DOCK3: variants seen among roughly 807,000 people sequenced by gnomAD.
The protein encoded by DOCK3 is dedicator of cytokinesis protein 3.
A neutral mutation model predicts 265.6 loss-of-function variants in DOCK3; 60 were observed. The observed-to-expected ratio is 0.23, with a 90% CI of 0.18 to 0.28. The LOEUF (loss-of-function observed/expected upper bound fraction) is 0.28. DOCK3 is among the 10% of genes least tolerant of loss of function. The pLI is 1.00. For missense variants in DOCK3, 1,981 were observed against 2,594.3 expected, an observed-to-expected ratio of 0.76 and a Z score of 5.14; for synonymous variants, 881 against 938.0, an observed-to-expected ratio of 0.94 and a Z score of 1.11.
At chr3:51,097,201 C>T (rs2082893076) in intron 9 of DOCK3, among the ~76,000 whole-genome samples, 1 of 152,186 alleles carries the variant, frequency 6.6e-6, no homozygotes, top group African/African-American at 2.4e-5. Context: ...TGAAGCTGTG[C>T]CCACAGCCAC....
intron 6 of DOCK3, among the ~76,000 whole-genome samples, chr3:51,067,460 C>T (rs372477636): frequency 0.012 from 342 of 28,856 alleles, 1 homozygote; most frequent in African/African-American, 0.02. Flanking sequence ...TGTGTGTGCG[C>T]GCGCGTTGGA....
intron 5 of DOCK3, among the ~76,000 whole-genome samples, chr3:51,024,037 CTG>C (rs2079707449): frequency 6.6e-6 from 1 of 151,984 alleles, no homozygotes; most frequent in African/African-American, 2.4e-5. Flanking sequence ...TTTTACTAGA[CTG>C]TGTTTTCTTA....
intron 1 of DOCK3, among the ~76,000 whole-genome samples, chr3:50,732,153 A>C (rs1479647687): frequency 6.6e-6 from 1 of 152,166 alleles, no homozygotes; most frequent in African/African-American, 2.4e-5. Context: ...AGAAAACCAA[A>C]CACCACATAT....
At chr3:51,312,715 G>T (rs749448573) in intron 30 of DOCK3, 129 bp from the exon 31 acceptor site, 17 of 1,247,080 alleles carry the variant, frequency 1.4e-5, no homozygotes, top group Non-Finnish European at 1.9e-5. Context: ...TCAGTCGAGA[G>T]CCCAAAGGCT....
intron 5 of DOCK3, among the ~76,000 whole-genome samples, chr3:51,017,632 A>G (rs2079406466): frequency 1.3e-5 from 2 of 151,740 alleles, no homozygotes; most frequent in South Asian, 2.1e-4. Flanking sequence ...ATTCAGGAGC[A>G]TATTGTTTAA....
chr3:50,939,463 A>G (rs2051576882), intron 5 of DOCK3, among the ~76,000 whole-genome samples: 2 of 152,132 alleles, frequency 1.3e-5, no homozygotes, highest in South Asian at 4.1e-4. Flanking sequence ...TATGTTTGTG[A>G]CTATAGACAC....
intron 2 of DOCK3, among the ~76,000 whole-genome samples, chr3:50,804,388 G>A (rs576993485): frequency 3.3e-5 from 5 of 152,260 alleles, no homozygotes; most frequent in Admixed American, 2.0e-4. Flanking sequence ...CAAGGCAGGC[G>A]GCTGGGAGGT....
intron 1 of DOCK3, among the ~76,000 whole-genome samples, chr3:50,759,415 T>C (rs970524667): frequency 6.6e-6 from 1 of 152,154 alleles, no homozygotes; most frequent in Non-Finnish European, 1.5e-5. Flanking sequence ...GGGTATGAAG[T>C]GGCATCTCAT....
At chr3:51,010,654 C>T (rs2078907645) in intron 5 of DOCK3, among the ~76,000 whole-genome samples, 1 of 152,106 alleles carries the variant, frequency 6.6e-6, no homozygotes, top group East Asian at 1.9e-4. Context: ...GAATTTGATC[C>T]TGTCATTATG....
intron 5 of DOCK3, among the ~76,000 whole-genome samples, chr3:50,979,205 CTACT>C (rs924484802): frequency 6.6e-6 from 1 of 152,200 alleles, no homozygotes; most frequent in African/African-American, 2.4e-5. Flanking sequence ...TCTTCTTCAA[CTACT>C]TTAGTCAGTG....
chr3:50,897,488 G>A (rs1387722983), intron 4 of DOCK3, among the ~76,000 whole-genome samples: 1 of 152,098 alleles, frequency 6.6e-6, no homozygotes, highest in Non-Finnish European at 1.5e-5. Context: ...TCTCTTGCCT[G>A]ATTGCCCTTG....
At chr3:51,291,128 C>G (rs2081744095) in intron 27 of DOCK3, among the ~76,000 whole-genome samples, 1 of 152,002 alleles carries the variant, frequency 6.6e-6, no homozygotes, top group South Asian at 2.1e-4. Flanking sequence ...GGAAACATAT[C>G]AAATCTTACA....
At chr3:51,102,462 A>G (rs1461492755) in intron 9 of DOCK3, among the ~76,000 whole-genome samples, 2 of 152,232 alleles carry the variant, frequency 1.3e-5, no homozygotes, top group Non-Finnish European at 2.9e-5. Flanking sequence ...CTGGATCAGT[A>G]TATCAGGGTT....
At chr3:50,993,542 A>G (rs190750719) in intron 5 of DOCK3, among the ~76,000 whole-genome samples, 33 of 152,334 alleles carry the variant, frequency 2.2e-4, no homozygotes, top group Middle Eastern at 6.8e-3. Context: ...CAAGACTTCT[A>G]TCCTCCTCTG....
rs142469305 is a variant in DOCK3 at position 51,216,651 on chromosome 3, A to G, written c.1252+2404A>G. Among the ~76,000 whole-genome samples, 725 of 152,294 alleles carry G rather than the reference A, an allele frequency of 4.8e-3. 4 individuals carry two copies. The highest frequency in any genetic ancestry group is 7.6e-3 in the Non-Finnish European group (515 of 68,026). On this transcript the variant is annotated intron_variant, in intron 14 of 52. Transcript: ENST00000266037. ...ACTCCCAGGGTTGTGGGCTGTTAGC[A>G]ACTTGCATTTCCCCCTTAATATGCC... is the stretch of plus-strand genomic sequence containing the variant.
At chr3:50,924,440 C>G in intron 4 of DOCK3, among the ~76,000 whole-genome samples, 1 of 152,208 alleles carries the variant, frequency 6.6e-6, no homozygotes, top group East Asian at 1.9e-4. Flanking sequence ...TGAGTGTCAG[C>G]TCCTTATCTT....
intron 22 of DOCK3, among the ~76,000 whole-genome samples, chr3:51,249,571 C>T (rs1411962375): frequency 8.4e-6 from 1 of 119,168 alleles, no homozygotes; most frequent in African/African-American, 3.1e-5. Flanking sequence ...GCCCCCCGCC[C>T]GGCCAGCCGC....
chr3:50,832,445 AT>A (rs2045241432), intron 2 of DOCK3, among the ~76,000 whole-genome samples: 2 of 152,162 alleles, frequency 1.3e-5, no homozygotes, highest in Admixed American at 1.3e-4. Context: ...ATAGGAGAAA[AT>A]TTTTGCAATC....
intron 2 of DOCK3, among the ~76,000 whole-genome samples, chr3:50,807,181 C>A (rs1389948774): frequency 1.3e-5 from 2 of 151,346 alleles, no homozygotes; most frequent in Non-Finnish European, 2.9e-5. Flanking sequence ...TATTTTTTAC[C>A]TTTGTTGGTT....
Sources: gnomAD v4.1 joint callset for allele counts (sites outside exome capture counted in the v4.1 genomes callset) on GRCh38, gnomAD v4.1.1 for gene constraint, MANE v1.5 for transcripts, NCBI Gene and HGNC (gene_info 2026-07-23, HGNC 2026-07-21) for gene names.